Variants in LIPA observed in about 807,000 individuals in gnomAD.
LIPA encodes the protein lipase A, lysosomal acid type, also known as lysosomal acid lipase/cholesteryl ester hydrolase.
In LIPA, 26 loss-of-function variants were observed where a neutral mutation model predicts 40.6. That is an observed-to-expected ratio of 0.64 (90% CI 0.47 to 0.89). The LOEUF (loss-of-function observed/expected upper bound fraction) is 0.89, where lower values mean the gene tolerates loss of function less well. Among genes scored for constraint, LIPA ranks in the 40% least tolerant of loss-of-function variants. The probability of loss-of-function intolerance (pLI) is 0.00; values close to 1 mark genes in which losing one functional copy is unlikely to be tolerated. For synonymous variants in LIPA, 188 were observed against 168.4 expected (o/e 1.12, Z -0.90); for missense variants, 455 against 479.6 (o/e 0.95, Z 0.48).
At chr10:89,322,668 C>T (rs1843578191) in intron 1 of LIPA, among the ~76,000 whole-genome samples, 1 of 151,974 alleles carries the variant, frequency 6.6e-6, no homozygotes, top group South Asian at 2.1e-4. Context: ...GCCTTGTGCC[C>T]CCAAGAAGAC....
chr10:89,393,254 C>T, intron 2 of LIPA: 3 of 1,289,832 alleles, frequency 2.3e-6, no homozygotes, highest in Non-Finnish European at 2.0e-6. Flanking sequence ...TCACTTTCTG[C>T]ACTGCTGGCC....
rs191887493 is a variant in LIPA, at chr10:89,325,362, T to G, written c.-2+17249A>C. ...CCATTCAACCCAGCAATCCTATTATTGGGTACATACCCAAAGGAATATAAA... is the reference window on the plus strand; with the variant it reads ...CCATTCAACCCAGCAATCCTATTATGGGGTACATACCCAAAGGAATATAAA... On this transcript the variant is annotated intron_variant, in intron 1 of 5. Coordinates refer to the LIPA transcript ENST00000282673. Among the ~76,000 whole-genome samples the G allele has an allele frequency of 4.0e-4, 61 of 152,322 alleles. No individual in the cohort carries two copies. The East Asian group carries it at 0.01, about 26-fold the overall frequency.
At chr10:89,271,456 A>G (rs776502482) in intron 1 of LIPA, among the ~76,000 whole-genome samples, 5 of 152,186 alleles carry the variant, frequency 3.3e-5, no homozygotes, top group Non-Finnish European at 5.9e-5. Flanking sequence ...ATGCTAATTA[A>G]CCAGCAGGCT....
chr10:89,273,117 A>C (rs533585097), intron 1 of LIPA, among the ~76,000 whole-genome samples: 1 of 152,352 alleles, frequency 6.6e-6, no homozygotes, highest in East Asian at 1.9e-4. Flanking sequence ...AGAAATGAAG[A>C]CTAAACAGTT....
chr10:89,215,925 C>G lies in LIPA; in HGVS notation c.966+13G>C. On this transcript the variant is annotated intron_variant, in intron 9 of 9. Coordinates refer to ENST00000336233, the MANE Select transcript of LIPA (RefSeq NM_000235.4). ...TTCAGGGCCCCCTTTAATGAAAAGA[C>G]TAAAAACTTTACCTGGTTGTAATGA... The G allele has an allele frequency of 1.3e-6, 2 of 1,581,586 alleles. No homozygotes were observed. Among genetic ancestry groups the G allele is most frequent in the South Asian group, 2.2e-5 (2 of 90,402 alleles).
chr10:89,401,149 C>G (rs908401538), intron 2 of LIPA, among the ~76,000 whole-genome samples: 7 of 147,604 alleles, frequency 4.7e-5, no homozygotes, highest in African/African-American at 1.5e-4. Flanking sequence ...CTGAGTTTCT[C>G]TCTGTTACCT....
chr10:89,336,631 GAGATT>G (rs1589609103), intron 1 of LIPA, among the ~76,000 whole-genome samples: 1 of 152,202 alleles, frequency 6.6e-6, no homozygotes, highest in East Asian at 1.9e-4. Flanking sequence ...TGTTTATTCT[GAGATT>G]ACTTTTTCAG....
At chr10:89,231,144 A>G (rs994241968) in intron 3 of LIPA, among the ~76,000 whole-genome samples, 11 of 152,244 alleles carry the variant, frequency 7.2e-5, no homozygotes, top group Admixed American at 2.6e-4. Context: ...AGACTACTCT[A>G]AATTACAGCT....
At chr10:89,403,897 TAAGA>T (rs994240857) in intron 2 of LIPA, 5 of 509,246 alleles carry the variant, frequency 9.8e-6, no homozygotes, top group African/African-American at 3.9e-5. Context: ...TGTATGCATG[TAAGA>T]AAGAGAAATC....
At chr10:89,375,743 C>T (rs1017757836) in intron 2 of LIPA, among the ~76,000 whole-genome samples, 1 of 152,132 alleles carries the variant, frequency 6.6e-6, no homozygotes, top group Non-Finnish European at 1.5e-5. Flanking sequence ...CATTTCTGTG[C>T]TGTCATTATG....
chr10:89,329,877 G>A (rs1370532100), intron 1 of LIPA, among the ~76,000 whole-genome samples: 1 of 152,106 alleles, frequency 6.6e-6, no homozygotes, highest in African/African-American at 2.4e-5. Flanking sequence ...AGTCAGGGAA[G>A]GGAGATAGGG....
rs375550137 is a variant in LIPA, at chr10:89,247,657, A to G, written c.-1-8T>C. 1 of 1,550,570 alleles carries G rather than the reference A, an allele frequency of 6.4e-7. No homozygotes were observed. The highest frequency in any genetic ancestry group is 1.4e-5 in the African/African-American group (1 of 73,918). On this transcript the variant is annotated splice_region_variant and splice_polypyrimidine_tract_variant and intron_variant, in intron 1 of 9. Transcript: ENST00000336233. ...AAGAACCGCATTTTCATTCTGTATAATAAAACAGTCTATTATTATTTGCTT... is the reference window on the plus strand; with the variant it reads ...AAGAACCGCATTTTCATTCTGTATAGTAAAACAGTCTATTATTATTTGCTT...
intron 2 of LIPA, chr10:89,412,713 C>G (rs1359337225): frequency 7.0e-6 from 3 of 431,350 alleles, no homozygotes; most frequent in Non-Finnish European, 1.4e-5. Context: ...ACTCCGGACG[C>G]GCCACCTTTA....
chr10:89,245,156 A>C (rs148270007), intron 3 of LIPA, among the ~76,000 whole-genome samples: 66 of 152,332 alleles, frequency 4.3e-4, no homozygotes, highest in Non-Finnish European at 7.8e-4. Context: ...CATCTTTTGC[A>C]TTCAAATGGA....
rs146713212 is a variant in LIPA, at chr10:89,222,975, A to C, written c.823-393T>G. Among the ~76,000 whole-genome samples the C allele has an allele frequency of 3.4e-3, 523 of 152,232 alleles. 2 individuals carry two copies. Among genetic ancestry groups the C allele is most frequent in the Non-Finnish European group, 6.3e-3 (425 of 67,994 alleles). On this transcript the variant is annotated intron_variant, in intron 7 of 9. Coordinates refer to ENST00000336233, the MANE Select transcript of LIPA (RefSeq NM_000235.4). ...TTCCAGGATTTTAACCCTTTTTTTC[A>C]AAATGCCACATGACAAACTAACAAA...
In LIPA at chr10:89,224,320, G is replaced by C. The variant is rs116613306; in HGVS notation, c.676-490C>G. 4.5e-3 allele frequency among the ~76,000 whole-genome samples: 680 copies of C among 152,256 alleles called. 5 individuals are homozygous for C. Among genetic ancestry groups the C allele is most frequent in the Middle Eastern group, 0.021 (6 of 292 alleles). On this transcript the variant is annotated intron_variant, in intron 6 of 9. Coordinates refer to ENST00000336233, the MANE Select transcript of LIPA (RefSeq NM_000235.4). ...TTTTAAAATTTTTTTTATTGGCCAG[G>C]CATGGTAGCTCATGCCTGTAATCCC...
At chr10:89,359,129 C>A (rs577577767) in intron 2 of LIPA, among the ~76,000 whole-genome samples, 4 of 152,088 alleles carry the variant, frequency 2.6e-5, no homozygotes, top group Non-Finnish European at 5.9e-5. Context: ...GAGGAGCAGC[C>A]CAACCCGTCC....
At chr10:89,315,384 G>C (rs969008731) in intron 1 of LIPA, among the ~76,000 whole-genome samples, 2 of 152,120 alleles carry the variant, frequency 1.3e-5, no homozygotes, top group South Asian at 2.1e-4. Context: ...TGAACTCGAA[G>C]TATCTCATGA....
chr10:89,238,099 T>G (rs1842927123), intron 3 of LIPA, among the ~76,000 whole-genome samples: 1 of 152,246 alleles, frequency 6.6e-6, no homozygotes, highest in Non-Finnish European at 1.5e-5. Context: ...ATGTTGTGCA[T>G]GACTTCACAG....
Sources: gnomAD v4.1 joint callset for allele counts (sites outside exome capture counted in the v4.1 genomes callset) on GRCh38, gnomAD v4.1.1 for gene constraint, MANE v1.5 for transcripts, NCBI Gene and HGNC (gene_info 2026-07-23, HGNC 2026-07-21) for gene names.